Variants in IL1RL1 observed in about 807,000 individuals in gnomAD.
The protein encoded by IL1RL1 is interleukin-1 receptor-like 1.
IL1RL1 carries 32 observed loss-of-function variants against 50.9 expected under a neutral mutation model. The ratio of observed to expected loss-of-function variants is 0.63; its 90% confidence interval spans 0.47 to 0.84. IL1RL1 has a LOEUF of 0.84. Among genes scored for constraint, IL1RL1 ranks in the 40% least tolerant of loss-of-function variants. The probability of loss-of-function intolerance (pLI) is 0.00; values close to 1 mark genes in which losing one functional copy is unlikely to be tolerated. For synonymous variants in IL1RL1, 275 were observed against 236.0 expected, an observed-to-expected ratio of 1.17 and a Z score of -1.51; for missense variants, 773 against 662.9, an observed-to-expected ratio of 1.17 and a Z score of -1.82.
Position 102,338,136 on chromosome 2 carries a change from C to T in IL1RL1, c.-129C>T. The T allele has an allele frequency of 1.8e-6, 1 of 550,870 alleles. No homozygotes were observed. Among genetic ancestry groups the T allele is most frequent in the South Asian group, 3.3e-5 (1 of 30,038 alleles). 34.1% of individuals were successfully genotyped at this position (550,870 alleles called of 1,614,324 possible). ...TTCAGTTGAGATATAGGCTACTCTTCCCAACTCAGTCTTGAAGAGTATCAC... is the reference window on the plus strand; with the variant it reads ...TTCAGTTGAGATATAGGCTACTCTTTCCAACTCAGTCTTGAAGAGTATCAC... On this transcript the variant is annotated 5_prime_UTR_variant, in exon 2 of 11. Coordinates refer to ENST00000233954, the MANE Select transcript of IL1RL1 (RefSeq NM_016232.5).
intron 1 of IL1RL1, among the ~76,000 whole-genome samples, chr2:102,323,903 A>T (rs1288637187): frequency 6.6e-6 from 1 of 151,832 alleles, no homozygotes; most frequent in East Asian, 1.9e-4. Flanking sequence ...CTAGGTACCC[A>T]CTCACTGGCC....
intron 5 of IL1RL1, 140 bp downstream of exon 5, chr2:102,340,968 G>A (rs1316500563): frequency 4.2e-5 from 31 of 731,298 alleles, no homozygotes; most frequent in Non-Finnish European, 6.5e-5. Context: ...TATACATTCT[G>A]AACTATGACG....
At chr2:102,326,123 G>C (rs995368039) in intron 1 of IL1RL1, among the ~76,000 whole-genome samples, 1 of 152,192 alleles carries the variant, frequency 6.6e-6, no homozygotes, top group Non-Finnish European at 1.5e-5. Context: ...TTACCCACAA[G>C]GGGAAGCCCA....
intron 5 of IL1RL1, among the ~76,000 whole-genome samples, chr2:102,341,654 C>T (rs1302080138): frequency 1.3e-5 from 2 of 152,136 alleles, no homozygotes; most frequent in South Asian, 2.1e-4. Flanking sequence ...TCAACCCTTA[C>T]AGTGGTCCTT....
At chr2:102,333,934 T>G (rs1407877686) in intron 1 of IL1RL1, among the ~76,000 whole-genome samples, 1 of 152,190 alleles carries the variant, frequency 6.6e-6, no homozygotes, top group African/African-American at 2.4e-5. Flanking sequence ...TATGGCTGAA[T>G]AGTAATCCGT....
chr2:102,349,011 T>C, intron 9 of IL1RL1, 68 bp from the exon 10 acceptor site: 2 of 1,206,106 alleles, frequency 1.7e-6, no homozygotes, highest in Non-Finnish European at 2.5e-6. Context: ...GAGAGGAATG[T>C]CTTCAAAGAG....
intron 1 of IL1RL1, among the ~76,000 whole-genome samples, chr2:102,314,458 T>C (rs745488657): frequency 1.3e-5 from 2 of 152,314 alleles, no homozygotes; most frequent in South Asian, 4.1e-4. Context: ...AGAATAAAGA[T>C]AGTGTCCACC....
chr2:102,339,618 T>A (rs2104985546), intron 3 of IL1RL1, among the ~76,000 whole-genome samples: 1 of 152,340 alleles, frequency 6.6e-6, no homozygotes, highest in Non-Finnish European at 1.5e-5. Context: ...AAGTGTCAAA[T>A]TCATGCTCTG....
intron 1 of IL1RL1, among the ~76,000 whole-genome samples, chr2:102,329,050 A>T (rs545391658): frequency 7.2e-5 from 11 of 152,330 alleles, no homozygotes; most frequent in Middle Eastern, 3.4e-3. Flanking sequence ...AAGTCAAAAG[A>T]ACAAAGCTGG....
chr2:102,341,752 G>T (rs1434247518), intron 5 of IL1RL1, among the ~76,000 whole-genome samples: 3 of 152,158 alleles, frequency 2.0e-5, no homozygotes, highest in East Asian at 1.9e-4. Flanking sequence ...CAGCCTTAGT[G>T]GTCACAGGAG....
intron 6 of IL1RL1, among the ~76,000 whole-genome samples, chr2:102,342,588 G>A (rs1365066357): frequency 6.6e-6 from 1 of 152,084 alleles, no homozygotes; most frequent in African/African-American, 2.4e-5. Flanking sequence ...AGACCTGCAG[G>A]GTGTTCATTC....
At chr2:102,340,873 T>A in intron 5 of IL1RL1, 45 bp downstream of exon 5, 1 of 1,466,934 alleles carries the variant, frequency 6.8e-7, no homozygotes, top group Non-Finnish European at 9.1e-7. Context: ...GTGAAAGAAG[T>A]CGAAGTGGGA....
At chr2:102,319,173 A>C (rs1026412247) in intron 1 of IL1RL1, among the ~76,000 whole-genome samples, 2 of 151,868 alleles carry the variant, frequency 1.3e-5, no homozygotes, top group Admixed American at 6.6e-5. Context: ...TACATTTCTT[A>C]CACTTTTTTT....
intron 1 of IL1RL1, among the ~76,000 whole-genome samples, chr2:102,324,943 A>G (rs2104967900): frequency 6.6e-6 from 1 of 152,298 alleles, no homozygotes; most frequent in East Asian, 1.9e-4. Context: ...TAGCTAAACA[A>G]AAGGCAGCAG....
chr2:102,334,531 A>G (rs1367971642), intron 1 of IL1RL1, among the ~76,000 whole-genome samples: 1 of 152,122 alleles, frequency 6.6e-6, no homozygotes, highest in African/African-American at 2.4e-5. Context: ...ATTTTCATCA[A>G]TAAAAAAAAA....
At chr2:102,350,496 C>T (rs1486800098) in intron 10 of IL1RL1, among the ~76,000 whole-genome samples, 3 of 152,354 alleles carry the variant, frequency 2.0e-5, no homozygotes, top group Admixed American at 6.5e-5. Context: ...TAAATGAAAC[C>T]CAACAACACC....
rs547194886 is a variant in IL1RL1 at position 102,331,962 on chromosome 2, G to T, written c.-149-6154G>T. ...GTGTGCATGTAGTCCCAGCTATTCT[G>T]GAGGCTGAGGTGGGAGGATCACCTG... On this transcript the variant is annotated intron_variant, in intron 1 of 10. Transcript: ENST00000233954. Among the ~76,000 whole-genome samples, 12 of 152,262 alleles carry T rather than the reference G, an allele frequency of 7.9e-5. No homozygotes were observed. In the South Asian group the frequency reaches 2.5e-3, roughly 32 times the overall value.
chr2:102,339,068 A>G (rs749055026), intron 3 of IL1RL1, 21 bp downstream of exon 3: 4 of 1,557,078 alleles, frequency 2.6e-6, no homozygotes, highest in Non-Finnish European at 3.5e-6. Context: ...GAAGGCTCCC[A>G]TCTTCTTTCA....
chr2:102,343,547 G>T lies in IL1RL1; in HGVS notation c.970+132G>T, dbSNP rs12905. 1.9e-6 allele frequency: 3 copies of T among 1,565,216 alleles called. No individual in the cohort carries two copies. The highest frequency in any genetic ancestry group is 2.6e-6 in the Non-Finnish European group (3 of 1,158,576). On this transcript the variant is annotated intron_variant, in intron 8 of 10. Transcript: ENST00000233954. The stretch of plus-strand genomic sequence containing the variant: ...GCCATAAAATGTGCTTCTCTTCTTC[G>T]GGATGTTGTTTGCTGTCTGATCTTT...
Sources: gnomAD v4.1 joint callset for allele counts (sites outside exome capture counted in the v4.1 genomes callset) on GRCh38, gnomAD v4.1.1 for gene constraint, MANE v1.5 for transcripts, NCBI Gene and HGNC (gene_info 2026-07-23, HGNC 2026-07-21) for gene names.